The following LMBR1 variants were observed in gnomAD, a reference collection of about 807,000 sequenced individuals.
LMBR1 encodes the protein limb region 1 protein homolog.
LMBR1 carries 52 observed loss-of-function variants against 73.9 expected under a neutral mutation model. That is an observed-to-expected ratio of 0.70 (90% CI 0.56 to 0.89). The LOEUF (loss-of-function observed/expected upper bound fraction) is 0.89. LMBR1 is among the 40% of genes least tolerant of loss of function. The probability of loss-of-function intolerance (pLI) is 0.00; values close to 1 mark genes in which losing one functional copy is unlikely to be tolerated. For missense variants in LMBR1, 539 were observed against 579.8 expected, an observed-to-expected ratio of 0.93 and a Z score of 0.72; for synonymous variants, 215 against 209.4, an observed-to-expected ratio of 1.03 and a Z score of -0.23.
intron 1 of LMBR1, among the ~76,000 whole-genome samples, chr7:156,854,480 C>G (rs1243607886): frequency 2.0e-5 from 3 of 152,168 alleles, no homozygotes; most frequent in Admixed American, 6.6e-5. Context: ...AAGCTTCCAG[C>G]AGGAAAAGGA....
At chr7:156,888,175 C>T (rs1184533042) in intron 1 of LMBR1, among the ~76,000 whole-genome samples, 3 of 152,212 alleles carry the variant, frequency 2.0e-5, no homozygotes, top group East Asian at 3.9e-4. Context: ...CTTTGGGAGG[C>T]TGAGGCGGGC....
intron 10 of LMBR1, among the ~76,000 whole-genome samples, chr7:156,730,236 C>T (rs190423985): frequency 6.6e-6 from 1 of 152,304 alleles, no homozygotes; most frequent in African/African-American, 2.4e-5. Flanking sequence ...ACTTTCCCTT[C>T]AAGACACCAG....
intron 15 of LMBR1, among the ~76,000 whole-genome samples, chr7:156,722,432 A>C (rs948671512): frequency 3.9e-4 from 60 of 152,170 alleles, no homozygotes; most frequent in African/African-American, 1.1e-3. Flanking sequence ...GGAATTACAA[A>C]GTAACTCTCT....
intron 5 of LMBR1, among the ~76,000 whole-genome samples, chr7:156,792,524 C>T (rs1034246602): frequency 6.6e-6 from 1 of 152,168 alleles, no homozygotes; most frequent in Non-Finnish European, 1.5e-5. Context: ...TATGCTCTTA[C>T]ACTTCAGAAT....
intron 15 of LMBR1, among the ~76,000 whole-genome samples, chr7:156,705,227 A>G (rs1165847699): frequency 6.6e-6 from 1 of 152,222 alleles, no homozygotes; most frequent in African/African-American, 2.4e-5. Flanking sequence ...CTTATAGGCC[A>G]GAAAAAAAAT....
At chr7:156,864,077 C>T (rs1798103292) in intron 1 of LMBR1, among the ~76,000 whole-genome samples, 1 of 152,090 alleles carries the variant, frequency 6.6e-6, no homozygotes, top group Non-Finnish European at 1.5e-5. Flanking sequence ...TCACTTGAAC[C>T]TGGGAAGTGG....
intron 1 of LMBR1, chr7:156,892,599 CCCGCGGGAAGGGAAGGGCAGCACCGAGG>C: frequency 4.4e-6 from 1 of 229,714 alleles, no homozygotes; most frequent in South Asian, 1.5e-4. Flanking sequence ...CGCAGCCCTC[CCCGCGGGAAGGGAAGGGCAGCACCGAGG>C]CCGCGGGGCG....
intron 4 of LMBR1, among the ~76,000 whole-genome samples, chr7:156,817,510 G>C (rs761650629): frequency 1.4e-3 from 92 of 65,870 alleles, no homozygotes; most frequent in Admixed American, 8.3e-3. Context: ...GAGAGAGAGA[G>C]AGAGACAGAG....
At chr7:156,692,229 A>G (rs1688140192) in intron 15 of LMBR1, among the ~76,000 whole-genome samples, 1 of 151,826 alleles carries the variant, frequency 6.6e-6, no homozygotes, top group Non-Finnish European at 1.5e-5. Flanking sequence ...GGCGCCCACC[A>G]CCACGCCCGG....
chr7:156,892,870 G>A lies in LMBR1; in HGVS notation c.66+58C>T, dbSNP rs565747316. ...CCGGGGACCGGGGGCCCGGGGGCGGGGACGGAGGGCCCGGGCGGGCACGCG... is the reference window on the plus strand; with the variant it reads ...CCGGGGACCGGGGGCCCGGGGGCGGAGACGGAGGGCCCGGGCGGGCACGCG... On this transcript the variant is annotated intron_variant, in intron 1 of 16. Coordinates refer to ENST00000353442, the MANE Select transcript of LMBR1 (RefSeq NM_022458.4). 3,757 of 1,318,030 alleles carry A rather than the reference G, an allele frequency of 2.9e-3. 90 individuals are homozygous for A. In the African/African-American group the frequency reaches 0.049, roughly 17 times the overall value. The allele number at this position is 1,318,030 out of a possible 1,614,324, so 81.6% of individuals were successfully genotyped here.
intron 15 of LMBR1, among the ~76,000 whole-genome samples, chr7:156,712,656 A>G (rs73489735): frequency 0.076 from 11,534 of 152,274 alleles, 625 homozygotes; most frequent in East Asian, 0.15. Flanking sequence ...ATGTGGTATA[A>G]AAACACAATG....
At chr7:156,801,497 G>T (rs75093357) in intron 4 of LMBR1, among the ~76,000 whole-genome samples, 1 of 152,166 alleles carries the variant, frequency 6.6e-6, no homozygotes. Flanking sequence ...CAACCCTGCA[G>T]TATCTCCAAG....
chr7:156,766,258 G>C (rs58643379), intron 5 of LMBR1, among the ~76,000 whole-genome samples: 28,393 of 151,814 alleles, frequency 0.19, 2,830 homozygotes, highest in African/African-American at 0.26. Flanking sequence ...AAGCAAAGGA[G>C]AGGTTTGTTT....
chr7:156,761,034 A>G (rs1822881241), intron 8 of LMBR1, among the ~76,000 whole-genome samples: 1 of 152,218 alleles, frequency 6.6e-6, no homozygotes, highest in Non-Finnish European at 1.5e-5. Flanking sequence ...GGAGGCTGCT[A>G]GGTAGCTGGA....
intron 5 of LMBR1, among the ~76,000 whole-genome samples, chr7:156,792,788 A>G (rs1829444273): frequency 6.6e-6 from 1 of 152,236 alleles, no homozygotes; most frequent in Non-Finnish European, 1.5e-5. Flanking sequence ...ATCTCGGCAC[A>G]ATATGCAAGA....
chr7:156,829,756 T>TA (rs1350003278), intron 3 of LMBR1, among the ~76,000 whole-genome samples: 4 of 152,214 alleles, frequency 2.6e-5, no homozygotes, highest in Admixed American at 2.6e-4. Flanking sequence ...CCTCCATACT[T>TA]ACCACCTGAT....
At chr7:156,880,677 G>C (rs1800948511) in intron 1 of LMBR1, among the ~76,000 whole-genome samples, 1 of 151,824 alleles carries the variant, frequency 6.6e-6, no homozygotes, top group Admixed American at 6.6e-5. Context: ...TTCTGAGACG[G>C]AGTCTCACTC....
At chr7:156,864,615 C>T (rs146394090) in intron 1 of LMBR1, among the ~76,000 whole-genome samples, 1 of 152,224 alleles carries the variant, frequency 6.6e-6, no homozygotes, top group Admixed American at 6.5e-5. Flanking sequence ...AAATAGAAAT[C>T]CTAACTCCTA....
chr7:156,768,369 C>G (rs1013545859), intron 5 of LMBR1, among the ~76,000 whole-genome samples: 1 of 151,682 alleles, frequency 6.6e-6, no homozygotes, highest in African/African-American at 2.4e-5. Flanking sequence ...CAAAAAAAAA[C>G]AAAAAAGTAA....
Sources: gnomAD v4.1 joint callset for allele counts (sites outside exome capture counted in the v4.1 genomes callset) on GRCh38, gnomAD v4.1.1 for gene constraint, MANE v1.5 for transcripts, NCBI Gene and HGNC (gene_info 2026-07-23, HGNC 2026-07-21) for gene names.